Variants in UBE2N observed in about 807,000 individuals in gnomAD.
UBE2N encodes ubiquitin-conjugating enzyme E2 N.
For synonymous variants in UBE2N, 70 were observed against 69.2 expected, an observed-to-expected ratio of 1.01 and a Z score of -0.06; for missense variants, 60 against 192.1, an observed-to-expected ratio of 0.31 and a Z score of 4.07.
chr12:93,429,063 A>G (rs1159704874), intron 1 of UBE2N, among the ~76,000 whole-genome samples: 5 of 152,104 alleles, frequency 3.3e-5, no homozygotes, highest in African/African-American at 1.2e-4. Flanking sequence ...CGAGGTCAGG[A>G]GTTCAAGATC....
chr12:93,414,480 C>T lies in UBE2N; in HGVS notation c.31-3181G>A, dbSNP rs112725944. Among the ~76,000 whole-genome samples, 50 of 150,632 alleles carry T rather than the reference C, an allele frequency of 3.3e-4. 1 individual carries two copies. The highest frequency in any genetic ancestry group is 9.3e-4 in the African/African-American group (38 of 40,880). ...AAAAAAAAAAAAAAAAAGTCATAGT[C>T]CTTGTAATGGGCCCCCAAAAGACGC... On this transcript the variant is annotated intron_variant, in intron 1 of 3. Coordinates refer to ENST00000318066, the MANE Select transcript of UBE2N (RefSeq NM_003348.4).
Position 93,415,789 on chromosome 12 carries a change from C to T in UBE2N, c.31-4490G>A, listed in dbSNP as rs34318510. 6.9e-3 allele frequency among the ~76,000 whole-genome samples: 1,050 copies of T among 152,242 alleles called. 7 individuals are homozygous for T. Among genetic ancestry groups the T allele is most frequent in the Middle Eastern group, 0.024 (7 of 294 alleles). On this transcript the variant is annotated intron_variant, in intron 1 of 3. Transcript: ENST00000318066. ...AGGGCCCAAGAGTCCCAATCCACCA[C>T]TCACCAGTTACACAAAGTAGTAGCA...
intron 1 of UBE2N, among the ~76,000 whole-genome samples, chr12:93,420,415 A>G (rs1427591556): frequency 6.6e-6 from 1 of 152,152 alleles, no homozygotes; most frequent in Non-Finnish European, 1.5e-5. Context: ...AGTATATATA[A>G]TCTGAGATAC....
intron 1 of UBE2N, among the ~76,000 whole-genome samples, chr12:93,431,601 T>G (rs1485621023): frequency 6.6e-6 from 1 of 152,206 alleles, no homozygotes; most frequent in Non-Finnish European, 1.5e-5. Context: ...AAGATGTCTA[T>G]TTTTACATAA....
Position 93,406,996 on chromosome 12 carries a change from A to C in UBE2N, c.*3043T>G, listed in dbSNP as rs1357771055. 1 of 152,232 alleles carries C rather than the reference A, an allele frequency of 6.6e-6. No homozygotes were observed. The highest frequency in any genetic ancestry group is 1.9e-4 in the East Asian group (1 of 5,204). The allele number at this position is 152,232 out of a possible 1,614,324, so 9.4% of individuals were successfully genotyped here. ...GCTCCTATCAACACCTCAAGATTTT[A>C]GAAAAGCCTCTTAACGGGCAATTTT... On this transcript the variant is annotated 3_prime_UTR_variant, in exon 4 of 4. Transcript: ENST00000318066.
At chr12:93,435,318 C>CA (rs1429474392) in intron 1 of UBE2N, among the ~76,000 whole-genome samples, 16 of 152,078 alleles carry the variant, frequency 1.1e-4, no homozygotes, top group African/African-American at 3.9e-4. Flanking sequence ...ACTAAAAATA[C>CA]AAAAATCAGC....
At chr12:93,430,527 C>T (rs944513471) in intron 1 of UBE2N, among the ~76,000 whole-genome samples, 1 of 151,944 alleles carries the variant, frequency 6.6e-6, no homozygotes, top group Non-Finnish European at 1.5e-5. Flanking sequence ...AGAGGCATTC[C>T]ATCTTAAAGT....
At chr12:93,431,354 T>C (rs949262778) in intron 1 of UBE2N, among the ~76,000 whole-genome samples, 1 of 152,230 alleles carries the variant, frequency 6.6e-6, no homozygotes, top group South Asian at 2.1e-4. Flanking sequence ...TAAAAATACA[T>C]GCACTGCCAG....
Position 93,408,659 on chromosome 12 carries a change from A to G in UBE2N, c.*1380T>C, listed in dbSNP as rs532344393. The G allele has an allele frequency of 6.6e-6, 1 of 152,338 alleles. No homozygotes were observed. Among genetic ancestry groups the G allele is most frequent in the East Asian group, 1.9e-4 (1 of 5,192 alleles). 9.4% of individuals were successfully genotyped at this position (152,338 alleles called of 1,614,324 possible). ...TTTGTGAGGGGAGGAATTCGTCAAT[A>G]AAGAAGAAAAATTACTGAATTCCAA... On this transcript the variant is annotated 3_prime_UTR_variant, in exon 4 of 4. Coordinates refer to ENST00000318066, the MANE Select transcript of UBE2N (RefSeq NM_003348.4).
At chr12:93,431,874 G>C (rs1052523796) in intron 1 of UBE2N, among the ~76,000 whole-genome samples, 2 of 152,142 alleles carry the variant, frequency 1.3e-5, no homozygotes, top group African/African-American at 2.4e-5. Context: ...GCTGCCCCAT[G>C]TGCCAAAAAC....
chr12:93,429,672 C>T (rs1414396090), intron 1 of UBE2N, among the ~76,000 whole-genome samples: 1 of 151,888 alleles, frequency 6.6e-6, no homozygotes, highest in Middle Eastern at 3.2e-3. Context: ...TGTGTTACTG[C>T]CCCTGAAGAC....
chr12:93,426,905 T>A (rs1878608377), intron 1 of UBE2N, among the ~76,000 whole-genome samples: 2 of 151,570 alleles, frequency 1.3e-5, no homozygotes, highest in African/African-American at 4.9e-5. Context: ...CTATCATTAG[T>A]GTTAGTGTAT....
At chr12:93,412,952 G>A (rs543469101) in intron 1 of UBE2N, among the ~76,000 whole-genome samples, 28 of 152,226 alleles carry the variant, frequency 1.8e-4, no homozygotes, top group Non-Finnish European at 3.4e-4. Flanking sequence ...ACAGGTCTTC[G>A]AATAAATTTT....
rs2121033892 is a variant in UBE2N, at chr12:93,405,723, T to C, written c.*4316A>G. On this transcript the variant is annotated 3_prime_UTR_variant, in exon 4 of 4. Transcript: ENST00000318066. ...GACAGATTTTTATTATTTACACTTC[T>C]CTCAAATTATTACATTCAGCATGTT... 6.6e-6 allele frequency: 1 copy of C among 152,330 alleles called. No individual in the cohort carries two copies. The highest frequency in any genetic ancestry group is 2.1e-4 in the South Asian group (1 of 4,830). The allele number at this position is 152,330 out of a possible 1,614,324, so 9.4% of individuals were successfully genotyped here. A position where few individuals can be genotyped will look rare whatever the true frequency, so the allele number is the denominator to read the frequency against.
rs1486092120 is a variant in UBE2N, at chr12:93,416,479, G to A, written c.31-5180C>T. Among the ~76,000 whole-genome samples, 5 of 146,382 alleles carry A rather than the reference G, an allele frequency of 3.4e-5. No homozygotes were observed. The East Asian group carries it at 5.9e-4, about 17-fold the overall frequency. On this transcript the variant is annotated intron_variant, in intron 1 of 3. Transcript: ENST00000318066. ...TTTTTTTTTTTTTGAGACAAGTCTC[G>A]CTCTCTTGCCCAGGCTGCAGTGCAG...
At chr12:93,440,150 T>G (rs576070112) in intron 1 of UBE2N, among the ~76,000 whole-genome samples, 4 of 152,354 alleles carry the variant, frequency 2.6e-5, no homozygotes, top group Admixed American at 2.0e-4. Context: ...ACTTGCATTA[T>G]GTACTTAGTC....
chr12:93,431,235 A>C (rs975576554), intron 1 of UBE2N, among the ~76,000 whole-genome samples: 6 of 151,568 alleles, frequency 4.0e-5, no homozygotes, highest in Non-Finnish European at 7.3e-5. Flanking sequence ...TCTCAAAAAA[A>C]GCCAACCAAC....
intron 1 of UBE2N, among the ~76,000 whole-genome samples, chr12:93,416,630 T>TA (rs1432698238): frequency 6.6e-6 from 1 of 152,040 alleles, no homozygotes; most frequent in Non-Finnish European, 1.5e-5. Flanking sequence ...ACTCCTGACT[T>TA]AAAGTGATCT....
intron 1 of UBE2N, among the ~76,000 whole-genome samples, chr12:93,427,721 TTGAG>T (rs1407012982): frequency 3.9e-5 from 6 of 152,296 alleles, no homozygotes; most frequent in African/African-American, 9.6e-5. Flanking sequence ...ACTGTACACT[TTGAG>T]TGGGTGAATT....
Sources: allele counts gnomAD v4.1 joint callset (sites outside exome capture counted in the v4.1 genomes callset), GRCh38; gene constraint gnomAD v4.1.1; transcripts MANE v1.5; gene names NCBI Gene and HGNC (gene_info 2026-07-23, HGNC 2026-07-21).